The following APOBEC3C variants were observed in gnomAD, a reference collection of about 807,000 sequenced individuals.
APOBEC3C encodes DNA dC->dU-editing enzyme APOBEC-3C.
In APOBEC3C, 14 loss-of-function variants were observed where a neutral mutation model predicts 20.6. That is an observed-to-expected ratio of 0.68 (90% CI 0.45 to 1.06). The LOEUF (loss-of-function observed/expected upper bound fraction) is 1.06. Among genes scored for constraint, APOBEC3C ranks in the 50% least tolerant of loss-of-function variants. The probability of loss-of-function intolerance (pLI) is 0.00; values close to 1 mark genes in which losing one functional copy is unlikely to be tolerated. For missense variants in APOBEC3C, 244 were observed against 241.9 expected, an observed-to-expected ratio of 1.01 and a Z score of -0.06; for synonymous variants, 98 against 88.8, an observed-to-expected ratio of 1.10 and a Z score of -0.58.
chr22:39,015,484 G>T (rs868429335), intron 1 of APOBEC3C, 111 bp from the exon 2 acceptor site: 21 of 1,255,490 alleles, frequency 1.7e-5, no homozygotes, highest in Middle Eastern at 2.6e-4. Flanking sequence ...GTGGAGGGAT[G>T]GGGGAGGCCC....
chr22:39,018,165 C>T (rs1924871261), intron 3 of APOBEC3C, 104 bp from the exon 4 acceptor site: 1 of 1,567,688 alleles, frequency 6.4e-7, no homozygotes, highest in African/African-American at 1.4e-5. Flanking sequence ...CGGGCCAGCG[C>T]CCACTGCAAC....
chr22:39,018,699 G>C lies in APOBEC3C; in HGVS notation c.*312G>C. The C allele has an allele frequency of 4.8e-6, 1 of 207,922 alleles. No homozygotes were observed. The highest frequency in any genetic ancestry group is 9.7e-6 in the Non-Finnish European group (1 of 102,964). The allele number at this position is 207,922 out of a possible 1,614,324, so 12.9% of individuals were successfully genotyped here. A position where few individuals can be genotyped will look rare whatever the true frequency, so the allele number is the denominator to read the frequency against. ...CCAAATCTTACTAAACTCATCCTAG[G>C]CTGGGCATGGTGACTCACGCCTGTA... is the stretch of plus-strand genomic sequence containing the variant. On this transcript the variant is annotated 3_prime_UTR_variant, in exon 4 of 4. Transcript: ENST00000361441.
intron 1 of APOBEC3C, 116 bp downstream of exon 1, chr22:39,014,495 C>A (rs2244104): frequency 1.1e-5 from 14 of 1,293,260 alleles, no homozygotes; most frequent in Middle Eastern, 2.6e-4. Context: ...CTCCCTCCCC[C>A]CTGGTTCCCC....
At position 39,014,514 on chromosome 22, in the gene APOBEC3C, C is replaced by T. The variant is rs1041434505; in HGVS notation, c.17+135C>T. The T allele has an allele frequency of 3.7e-5, 40 of 1,072,030 alleles. 1 individual carries two copies. The highest frequency in any genetic ancestry group is 3.7e-4 in the South Asian group (26 of 70,388). 66.4% of individuals were successfully genotyped at this position (1,072,030 alleles called of 1,614,324 possible). Reference sequence around the variant, plus strand: ...CTCCCCCCTGGTTCCCCCGCTGCCCCCACTCCCAGCCAAGCTCCTTGCCCT... The same window carrying T: ...CTCCCCCCTGGTTCCCCCGCTGCCCTCACTCCCAGCCAAGCTCCTTGCCCT... On this transcript the variant is annotated intron_variant, in intron 1 of 3. Transcript: ENST00000361441.
chr22:39,016,387 T>C (rs1428231249), intron 2 of APOBEC3C, among the ~76,000 whole-genome samples: 2 of 147,076 alleles, frequency 1.4e-5, no homozygotes, highest in East Asian at 2.0e-4. Flanking sequence ...TTTTCTTTTT[T>C]TTTTTTTTTT....
chr22:39,015,775 C>T (rs746845034), intron 2 of APOBEC3C, 24 bp downstream of exon 2: 1 of 1,606,286 alleles, frequency 6.2e-7, no homozygotes. Context: ...CCTAGTTACA[C>T]CCTAAATAGG....
chr22:39,015,997 T>C (rs1924767335), intron 2 of APOBEC3C, among the ~76,000 whole-genome samples: 2 of 151,488 alleles, frequency 1.3e-5, no homozygotes, highest in East Asian at 1.9e-4. Context: ...TGCCTCAGTC[T>C]CCCGAGTAGC....
At chr22:39,018,190 C>T in intron 3 of APOBEC3C, 79 bp from the exon 4 acceptor site, 1 of 1,573,080 alleles carries the variant, frequency 6.4e-7, no homozygotes, top group Non-Finnish European at 8.6e-7. Flanking sequence ...AGCCTGGATA[C>T]CTGGGCTGGG....
intron 2 of APOBEC3C, among the ~76,000 whole-genome samples, chr22:39,016,374 TTTTTTTC>T (rs1476863125): frequency 2.1e-5 from 2 of 95,704 alleles, no homozygotes; most frequent in Admixed American, 2.3e-4. Context: ...TAATTTTTTC[TTTTTTTC>T]TTTTTTTTTT....
Position 39,019,774 on chromosome 22 carries a change from G to C in APOBEC3C, c.*1387G>C, listed in dbSNP as rs1924956927. 1 of 147,200 alleles carries C rather than the reference G, an allele frequency of 6.8e-6. No individual in the cohort carries two copies. 9.1% of individuals were successfully genotyped at this position (147,200 alleles called of 1,614,324 possible). A position where few individuals can be genotyped will look rare whatever the true frequency, so the allele number is the denominator to read the frequency against. On this transcript the variant is annotated 3_prime_UTR_variant, in exon 4 of 4. Coordinates refer to ENST00000361441, the MANE Select transcript of APOBEC3C (RefSeq NM_014508.3). Reference sequence around the variant, plus strand: ...TTCCTCTATGCACACGCACCTCTGGGATCTCTCTGCCTCCAAATATCATCT... The same window carrying C: ...TTCCTCTATGCACACGCACCTCTGGCATCTCTCTGCCTCCAAATATCATCT...
intron 2 of APOBEC3C, 123 bp downstream of exon 2, chr22:39,015,874 ATTTTTTTTT>A: frequency 1.8e-6 from 1 of 544,604 alleles, no homozygotes; most frequent in South Asian, 2.7e-5. Flanking sequence ...CCACATTTCT[ATTTTTTTTT>A]TTTTTTTTTT....
rs1924702766 is a variant in APOBEC3C, at chr22:39,014,268, G to A, written c.-95G>A. The A allele has an allele frequency of 1.3e-6, 2 of 1,526,080 alleles. No homozygotes were observed. Among genetic ancestry groups the A allele is most frequent in the South Asian group, 1.1e-5 (1 of 89,190 alleles). 94.5% of individuals were successfully genotyped at this position (1,526,080 alleles called of 1,614,324 possible). On this transcript the variant is annotated 5_prime_UTR_variant, in exon 1 of 4. Coordinates refer to ENST00000361441, the MANE Select transcript of APOBEC3C (RefSeq NM_014508.3). Reference sequence around the variant, plus strand: ...GGCCCTGGGAGGTCACTTTAAAGAGGGCTGCTCAACTGCAAGGACGCTGTA... The same window carrying A: ...GGCCCTGGGAGGTCACTTTAAAGAGAGCTGCTCAACTGCAAGGACGCTGTA...
At chr22:39,014,904 C>T (rs1184949425) in intron 1 of APOBEC3C, among the ~76,000 whole-genome samples, 6 of 152,118 alleles carry the variant, frequency 3.9e-5, no homozygotes, top group East Asian at 1.9e-4. Flanking sequence ...AGGATGCACA[C>T]GACCCCAGAC....
intron 1 of APOBEC3C, 23 bp downstream of exon 1, chr22:39,014,402 C>G: frequency 1.9e-6 from 3 of 1,613,822 alleles, no homozygotes; most frequent in Non-Finnish European, 2.5e-6. Context: ...GCTTTGTCCG[C>G]CAGGCCCCTC....
chr22:39,016,217 T>TTTATTTATTTATTTATTTA (rs1569049374), intron 2 of APOBEC3C, among the ~76,000 whole-genome samples: 2 of 33,300 alleles, frequency 6.0e-5, no homozygotes, highest in African/African-American at 2.7e-4. Context: ...TTATTTATTT[T>TTTATTTATTTATTTATTTA]GAGACGGAGT....
At position 39,018,061 on chromosome 22, in the gene APOBEC3C, C is replaced by G. The variant is rs547490002; in HGVS notation, c.454+16C>G. On this transcript the variant is annotated intron_variant, in intron 3 of 3. Transcript: ENST00000361441. Reference sequence around the variant, plus strand: ...GACTATGAAGGTGAGACGTGGGGGGCTGAGGAGAGTGGGTGCAGGAGGGAC... The same window carrying G: ...GACTATGAAGGTGAGACGTGGGGGGGTGAGGAGAGTGGGTGCAGGAGGGAC... 2 of 1,612,714 alleles carry G rather than the reference C, an allele frequency of 1.2e-6. No individual in the cohort carries two copies. Among genetic ancestry groups the G allele is most frequent in the South Asian group, 2.2e-5 (2 of 90,996 alleles).
intron 3 of APOBEC3C, 98 bp from the exon 4 acceptor site, chr22:39,018,171 G>A: frequency 1.3e-6 from 2 of 1,568,678 alleles, no homozygotes; most frequent in Non-Finnish European, 1.7e-6. Context: ...AGCGCCCACT[G>A]CAACTGGCAG....
chr22:39,014,511 C>G, intron 1 of APOBEC3C, 132 bp downstream of exon 1: 2 of 1,096,564 alleles, frequency 1.8e-6, no homozygotes, highest in Non-Finnish European at 2.7e-6. Flanking sequence ...TCCCCCGCTG[C>G]CCCCACTCCC....
In APOBEC3C at chr22:39,014,512, C is replaced by T. The variant is rs559089405; in HGVS notation, c.17+133C>T. The T allele has an allele frequency of 9.8e-5, 110 of 1,117,916 alleles. 1 individual carries two copies. The highest frequency in any genetic ancestry group is 2.5e-4 in the Admixed American group (12 of 48,924). 69.2% of individuals were successfully genotyped at this position (1,117,916 alleles called of 1,614,324 possible). A position where few individuals can be genotyped will look rare whatever the true frequency, so the allele number is the denominator to read the frequency against. On this transcript the variant is annotated intron_variant, in intron 1 of 3. Transcript: ENST00000361441. ...CCCTCCCCCCTGGTTCCCCCGCTGC[C>T]CCCACTCCCAGCCAAGCTCCTTGCC...
Sources: gnomAD v4.1 joint callset for allele counts (sites outside exome capture counted in the v4.1 genomes callset) on GRCh38, gnomAD v4.1.1 for gene constraint, MANE v1.5 for transcripts, NCBI Gene and HGNC (gene_info 2026-07-23, HGNC 2026-07-21) for gene names.